The following CPNE7 variants were observed in gnomAD, a reference collection of about 807,000 sequenced individuals.
The protein encoded by CPNE7 is copine 7.
Under a neutral mutation model 66.5 loss-of-function variants are expected in CPNE7, and 78 were observed. The observed-to-expected ratio is 1.17, with a 90% CI of 0.98 to 1.42. The LOEUF is 1.42. Ranked by LOEUF, CPNE7 falls within the 40% of genes most tolerant of loss-of-function variation. The pLI, the probability that CPNE7 is intolerant of heterozygous loss-of-function variation, is 0.00. For missense variants in CPNE7, 1,012 were observed against 776.6 expected (o/e 1.30, Z -3.60); for synonymous variants, 468 against 336.7 (o/e 1.39, Z -4.27).
intron 7 of CPNE7, among the ~76,000 whole-genome samples, chr16:89,586,108 T>A (rs2059035007): frequency 6.6e-6 from 1 of 151,700 alleles, no homozygotes; most frequent in African/African-American, 2.4e-5. Context: ...ACACCTGGGC[T>A]ACGCCTGTGT....
rs2058853430 is a variant in CPNE7, at chr16:89,575,960, C to G, written c.63C>G (p.Ala21=). The part of the protein sequence containing the change: ...ATPGGLPAPC[A]SKVELRLSCR... ...CCGGGGGTTTGCCCGCGCCCTGCGC[C>G]TCGAAGGTGGAGCTGCGGCTCAGCT... Residue 21 remains alanine, a synonymous_variant, in exon 1 of 15, where the codon GCC becomes GCG. Coordinates refer to ENST00000319518, the MANE Select transcript of CPNE7 (RefSeq NM_153636.3). 1 of 1,358,332 alleles carries G rather than the reference C, an allele frequency of 7.4e-7. No individual in the cohort carries two copies. The highest frequency in any genetic ancestry group is 9.5e-7 in the Non-Finnish European group (1 of 1,054,332). The allele number at this position is 1,358,332 out of a possible 1,614,324, so 84.1% of individuals were successfully genotyped here.
intron 2 of CPNE7, among the ~76,000 whole-genome samples, chr16:89,580,375 A>G (rs1274237342): frequency 7.6e-6 from 1 of 132,440 alleles, no homozygotes; most frequent in Admixed American, 7.8e-5. Context: ...ACATCCCATC[A>G]CCCGTCACAT....
intron 2 of CPNE7, among the ~76,000 whole-genome samples, chr16:89,581,629 C>T (rs559175799): frequency 1.3e-5 from 2 of 152,298 alleles, no homozygotes; most frequent in East Asian, 3.9e-4. Context: ...ATGGCACGGA[C>T]ACAGAAATAT....
intron 6 of CPNE7, 62 bp from the exon 7 acceptor site, chr16:89,585,625 G>A: frequency 6.4e-7 from 1 of 1,551,390 alleles, no homozygotes; most frequent in Non-Finnish European, 8.8e-7. Flanking sequence ...AGACACCTGG[G>A]CTCGGGTGGG....
At chr16:89,583,817 G>T in intron 3 of CPNE7, 46 bp downstream of exon 3, 1 of 1,598,774 alleles carries the variant, frequency 6.3e-7, no homozygotes, top group East Asian at 2.2e-5. Flanking sequence ...CTGCTGCTGT[G>T]GCTCCGAGGG....
At chr16:89,578,351 C>T (rs919496385) in intron 2 of CPNE7, among the ~76,000 whole-genome samples, 13 of 152,164 alleles carry the variant, frequency 8.5e-5, no homozygotes, top group African/African-American at 2.6e-4. Context: ...GCGTGAGCCA[C>T]GGTGCCCAGC....
At chr16:89,586,091 C>T (rs758236748) in intron 7 of CPNE7, among the ~76,000 whole-genome samples, 16 of 101,900 alleles carry the variant, frequency 1.6e-4, no homozygotes, top group East Asian at 5.2e-4. Flanking sequence ...GCAGGTGAGT[C>T]GGGGGCACAC....
chr16:89,587,660 G>T (rs941011902), intron 9 of CPNE7: 1 of 431,032 alleles, frequency 2.3e-6, no homozygotes, highest in South Asian at 1.6e-5. Flanking sequence ...TCACCCCCAT[G>T]TCACCCGCAG....
In CPNE7 at chr16:89,585,768, G is replaced by A. The variant is rs1485543829; in HGVS notation, c.763G>A (p.Ala255Thr). 2.7e-6 allele frequency: 4 copies of A among 1,499,234 alleles called. No individual in the cohort carries two copies. The highest frequency in any genetic ancestry group is 4.2e-5 in the Admixed American group (2 of 47,694). The allele number at this position is 1,499,234 out of a possible 1,614,324, so 92.9% of individuals were successfully genotyped here. Residue 255 changes from alanine (A) to threonine (T), a missense_variant, in exon 7 of 15, where the codon GCC (alanine) becomes ACC (threonine). By Grantham distance (58) the Ala-to-Thr change is moderately conservative. Transcript: ENST00000319518. ...TACCACCTTCGAGGAGATGCAGAAG[G>A]CCTTTGAGGAGGGGCAGGTGAGCAG... is the stretch of plus-strand genomic sequence containing the variant. ...FSTTFEEMQK[A>T]FEEGQAQWDC...
At chr16:89,586,878 C>A in intron 8 of CPNE7, 122 bp downstream of exon 8, 1 of 1,131,636 alleles carries the variant, frequency 8.8e-7, no homozygotes, top group Non-Finnish European at 1.3e-6. Context: ...TGGGGAGGGG[C>A]TGAGAGACGG....
At chr16:89,591,935 A>G (rs565301821) in intron 13 of CPNE7, among the ~76,000 whole-genome samples, 72 of 149,972 alleles carry the variant, frequency 4.8e-4, no homozygotes, top group African/African-American at 1.7e-3. Flanking sequence ...TCCTGACCTC[A>G]TGATCCACCC....
At chr16:89,576,309 G>A (rs1039364205) in intron 1 of CPNE7, among the ~76,000 whole-genome samples, 2 of 152,044 alleles carry the variant, frequency 1.3e-5, no homozygotes, top group African/African-American at 4.8e-5. Flanking sequence ...GGAGGAGAGA[G>A]GGGGGTGCCC....
chr16:89,579,640 C>T (rs904770307), intron 2 of CPNE7, among the ~76,000 whole-genome samples: 1 of 148,826 alleles, frequency 6.7e-6, no homozygotes, highest in Admixed American at 6.7e-5. Flanking sequence ...CCCATCACAT[C>T]TCACCCGTCA....
At chr16:89,591,703 TC>T (rs1160586509) in intron 13 of CPNE7, among the ~76,000 whole-genome samples, 2 of 152,244 alleles carry the variant, frequency 1.3e-5, no homozygotes, top group South Asian at 2.1e-4. Flanking sequence ...TCTTTTCTTT[TC>T]TTTTGTTTTT....
chr16:89,577,912 C>G (rs565988227), intron 2 of CPNE7, among the ~76,000 whole-genome samples, 191 bp downstream of exon 2: 1 of 152,138 alleles, frequency 6.6e-6, no homozygotes, highest in Non-Finnish European at 1.5e-5. Context: ...GTAATACATT[C>G]GTATGTTTTA....
intron 10 of CPNE7, 49 bp from the exon 11 acceptor site, chr16:89,589,848 C>T (rs2059142330): frequency 1.9e-6 from 3 of 1,603,356 alleles, no homozygotes; most frequent in Non-Finnish European, 2.6e-6. Context: ...GCCCCTGTTG[C>T]AGCCACAAGA....
intron 2 of CPNE7, 138 bp from the exon 3 acceptor site, chr16:89,583,559 G>T: frequency 6.3e-7 from 1 of 1,593,242 alleles, no homozygotes; most frequent in Non-Finnish European, 8.5e-7. Flanking sequence ...AGGGGGCGCG[G>T]GCCCTGGGCA....
chr16:89,595,279 C>G, intron 13 of CPNE7, 88 bp from the exon 14 acceptor site: 3 of 1,121,184 alleles, frequency 2.7e-6, no homozygotes, highest in Non-Finnish European at 3.9e-6. Flanking sequence ...CACGGAGGCA[C>G]TCTGGGCTGT....
chr16:89,583,253 C>T lies in CPNE7; in HGVS notation c.358-444C>T, dbSNP rs899526214. ...CCCGTGGCTACGTGGACATGCTGGG[C>T]GTGAGGGTCCGGGGCCGTTTGAGCT... is the stretch of plus-strand genomic sequence containing the variant. On this transcript the variant is annotated intron_variant, in intron 2 of 14. Transcript: ENST00000319518. Among the ~76,000 whole-genome samples, 3 of 152,074 alleles carry T rather than the reference C, an allele frequency of 2.0e-5. No homozygotes were observed. The South Asian group carries it at 6.2e-4, about 31-fold the overall frequency.
Sources: gnomAD v4.1 joint callset for allele counts (sites outside exome capture counted in the v4.1 genomes callset) on GRCh38, gnomAD v4.1.1 for gene constraint, MANE v1.5 for transcripts, NCBI Gene and HGNC (gene_info 2026-07-23, HGNC 2026-07-21) for gene names.